The following UBLCP1 variants were observed in gnomAD, a reference collection of about 807,000 sequenced individuals.
UBLCP1 encodes ubiquitin-like domain-containing CTD phosphatase 1.
Under a neutral mutation model 42.4 loss-of-function variants are expected in UBLCP1, and 28 were observed. That is an observed-to-expected ratio of 0.66 (90% CI 0.49 to 0.90). The LOEUF (loss-of-function observed/expected upper bound fraction) is 0.90, where lower values mean the gene tolerates loss of function less well. Ranked by LOEUF, UBLCP1 falls within the 40% of genes least tolerant of loss-of-function variation. UBLCP1 has a pLI of 0.00. For missense variants in UBLCP1, 279 were observed against 374.5 expected (o/e 0.75, Z 2.10); for synonymous variants, 122 against 120.8 (o/e 1.01, Z -0.07).
At position 159,269,986 on chromosome 5, in the gene UBLCP1, G is replaced by A. The variant is rs373471803; in HGVS notation, c.233G>A (p.Arg78His). ...PNTKIMMMGT[R>H]EESLEDVLGP... Reference sequence around the variant, plus strand: ...ACTAAAATCATGATGATGGGAACTCGTGAGGAGAGCTTGGTAAATGTTTAC... The same window carrying A: ...ACTAAAATCATGATGATGGGAACTCATGAGGAGAGCTTGGTAAATGTTTAC... The change falls in exon 3 of 11, where the codon CGT becomes CAT. Residue 78 changes from arginine to histidine, a missense_variant. Arg to His is a conservative substitution (Grantham distance 29). Coordinates refer to ENST00000296786, the MANE Select transcript of UBLCP1 (RefSeq NM_145049.5). 10 of 1,611,354 alleles carry A rather than the reference G, an allele frequency of 6.2e-6. No homozygotes were observed. The highest frequency in any genetic ancestry group is 5.3e-5 in the African/African-American group (4 of 74,934).
chr5:159,270,189 T>C (rs760350564), intron 3 of UBLCP1, among the ~76,000 whole-genome samples, 171 bp from the exon 4 acceptor site: 4 of 152,168 alleles, frequency 2.6e-5, no homozygotes, highest in African/African-American at 7.2e-5. Flanking sequence ...TTTAATATGG[T>C]AAATCTGCCC....
intron 6 of UBLCP1, among the ~76,000 whole-genome samples, chr5:159,273,646 AAAGT>A (rs1434419360): frequency 1.3e-5 from 2 of 152,194 alleles, no homozygotes; most frequent in African/African-American, 2.4e-5. Flanking sequence ...TTACAGATAC[AAAGT>A]AAGTACCGGA....
intron 9 of UBLCP1, among the ~76,000 whole-genome samples, chr5:159,282,311 A>C (rs973842505): frequency 6.6e-6 from 1 of 152,134 alleles, no homozygotes; most frequent in African/African-American, 2.4e-5. Context: ...TTTATAGTTC[A>C]ACAAACTGTA....
In UBLCP1 at chr5:159,268,772, T is replaced by A. The variant is rs951745335; in HGVS notation, c.-46-98T>A. 4 of 856,024 alleles carry A rather than the reference T, an allele frequency of 4.7e-6. No homozygotes were observed. In the African/African-American group the frequency reaches 7.2e-5, roughly 15 times the overall value. The allele number at this position is 856,024 out of a possible 1,614,324, so 53.0% of individuals were successfully genotyped here. ...GGACAAAAATCCTCTCTATCATAAG[T>A]TGTAAAATAAGGCTTAAACTGTACA... On this transcript the variant is annotated intron_variant, in intron 1 of 10. Transcript: ENST00000296786.
At chr5:159,269,771 A>G (rs1753440894) in intron 2 of UBLCP1, 137 bp from the exon 3 acceptor site, 2 of 680,278 alleles carry the variant, frequency 2.9e-6, no homozygotes, top group Admixed American at 6.3e-5. Context: ...ACAATTTGTT[A>G]ATGTAGGAAA....
intron 5 of UBLCP1, 53 bp downstream of exon 5, chr5:159,270,696 T>G: frequency 8.3e-7 from 1 of 1,209,426 alleles, no homozygotes; most frequent in Non-Finnish European, 1.1e-6. Flanking sequence ...CAACTCTTTT[T>G]TTCTTTTCTT....
At chr5:159,267,755 G>T (rs887440972) in intron 1 of UBLCP1, among the ~76,000 whole-genome samples, 1 of 152,218 alleles carries the variant, frequency 6.6e-6, no homozygotes, top group African/African-American at 2.4e-5. Context: ...AGTCTCATGA[G>T]ATCTGATGGG....
At chr5:159,284,863 A>T in intron 10 of UBLCP1, 41 bp from the exon 11 acceptor site, 1 of 1,608,348 alleles carries the variant, frequency 6.2e-7, no homozygotes, top group Non-Finnish European at 8.5e-7. Context: ...TCATGAATTT[A>T]GCATGATACA....
chr5:159,271,013 G>T (rs1310173044), intron 5 of UBLCP1, among the ~76,000 whole-genome samples: 1 of 151,292 alleles, frequency 6.6e-6, no homozygotes, highest in African/African-American at 2.4e-5. Context: ...TTTTTGGCCA[G>T]AAAGTATTCT....
At chr5:159,274,942 T>C (rs1178602767) in intron 7 of UBLCP1, among the ~76,000 whole-genome samples, 1 of 152,230 alleles carries the variant, frequency 6.6e-6, no homozygotes, top group Non-Finnish European at 1.5e-5. Context: ...AATGGTAAAT[T>C]AGGAAGTAAT....
intron 6 of UBLCP1, among the ~76,000 whole-genome samples, chr5:159,273,278 A>T (rs1753493978): frequency 1.3e-5 from 2 of 152,208 alleles, no homozygotes; most frequent in Non-Finnish European, 2.9e-5. Flanking sequence ...TTATCCTTTA[A>T]ATGTTATTAA....
At position 159,279,353 on chromosome 5, in the gene UBLCP1, A is replaced by G. The variant is rs7716308; in HGVS notation, c.801+999A>G. Among the ~76,000 whole-genome samples, 1,116 of 152,304 alleles carry G rather than the reference A, an allele frequency of 7.3e-3. 15 individuals are homozygous for G. The highest frequency in any genetic ancestry group is 0.025 in the African/African-American group (1,058 of 41,562). ...AAAATTGGTAAGAGTGAAATTTGAA[A>G]TTTAAAAGTTTCTGGTACCCATAGT... On this transcript the variant is annotated intron_variant, in intron 9 of 10. Coordinates refer to ENST00000296786, the MANE Select transcript of UBLCP1 (RefSeq NM_145049.5).
chr5:159,280,034 G>A (rs1476579967), intron 9 of UBLCP1, among the ~76,000 whole-genome samples: 1 of 152,072 alleles, frequency 6.6e-6, no homozygotes. Flanking sequence ...TAAATGTCTA[G>A]TTCTTTATGT....
At chr5:159,280,620 G>A (rs532402329) in intron 9 of UBLCP1, among the ~76,000 whole-genome samples, 2 of 152,230 alleles carry the variant, frequency 1.3e-5, no homozygotes, top group African/African-American at 4.8e-5. Context: ...GTTCTAAAAT[G>A]GAGAAATATC....
At chr5:159,279,506 T>C (rs1753580914) in intron 9 of UBLCP1, among the ~76,000 whole-genome samples, 1 of 152,162 alleles carries the variant, frequency 6.6e-6, no homozygotes, top group African/African-American at 2.4e-5. Flanking sequence ...TCCTAAACTT[T>C]TCTACTAGCT....
chr5:159,273,834 T>TCACACACA lies in UBLCP1; in HGVS notation c.548-723_548-716dup, dbSNP rs34999232. Among the ~76,000 whole-genome samples the TCACACACA allele has an allele frequency of 3.2e-3, 472 of 148,672 alleles. 7 individuals are homozygous for TCACACACA. The East Asian group carries it at 0.041, about 13-fold the overall frequency. ...CAGGTTCCTCTTTTGCTTTTAAAAA[T>TCACACACA]CACACACACACACACACACACACAC... On this transcript the variant is annotated intron_variant, in intron 6 of 10. Coordinates refer to ENST00000296786, the MANE Select transcript of UBLCP1 (RefSeq NM_145049.5).
In UBLCP1 at chr5:159,275,251, G is replaced by A. The variant is rs1349746394; in HGVS notation, c.684+5G>A. On this transcript the variant is annotated splice_donor_5th_base_variant and intron_variant, in intron 8 of 10. Coordinates refer to ENST00000296786, the MANE Select transcript of UBLCP1 (RefSeq NM_145049.5). ...CCAAGGAGAGGATTAATAGACGTAA[G>A]AAGTCATTTTATTTCTATTTAATGA... 1.2e-6 allele frequency: 2 copies of A among 1,605,634 alleles called. No homozygotes were observed. The highest frequency in any genetic ancestry group is 1.7e-6 in the Non-Finnish European group (2 of 1,174,500).
chr5:159,276,249 C>T (rs974628158), intron 8 of UBLCP1, among the ~76,000 whole-genome samples: 1 of 152,146 alleles, frequency 6.6e-6, no homozygotes, highest in African/African-American at 2.4e-5. Context: ...GATTGAGCCA[C>T]TGCACTCCAG....
In UBLCP1 at chr5:159,263,311, C is replaced by T. The variant is rs567653516; in HGVS notation, c.-96C>T. On this transcript the variant is annotated 5_prime_UTR_variant, in exon 1 of 11. Transcript: ENST00000296786. ...CTTCACTTCCGGTCGCTTTCGGTCT[C>T]TCAGCGGCCGGTTTCTGCGTCCGCT... The T allele has an allele frequency of 5.2e-5, 8 of 152,538 alleles. 1 individual carries two copies. The highest frequency in any genetic ancestry group is 2.1e-4 in the South Asian group (1 of 4,824). 9.4% of individuals were successfully genotyped at this position (152,538 alleles called of 1,614,324 possible). A position where few individuals can be genotyped will look rare whatever the true frequency, so the allele number is the denominator to read the frequency against.
Sources: gnomAD v4.1 joint callset for allele counts (sites outside exome capture counted in the v4.1 genomes callset) on GRCh38, gnomAD v4.1.1 for gene constraint, MANE v1.5 for transcripts, NCBI Gene and HGNC (gene_info 2026-07-23, HGNC 2026-07-21) for gene names.